Variants in USP24 observed in about 807,000 individuals in gnomAD.
The protein encoded by USP24 is ubiquitin specific peptidase 24, also known as ubiquitin carboxyl-terminal hydrolase 24.
USP24 carries 97 observed loss-of-function variants against 361.6 expected under a neutral mutation model. The ratio of observed to expected loss-of-function variants is 0.27; its 90% confidence interval spans 0.23 to 0.32. The LOEUF (loss-of-function observed/expected upper bound fraction) is 0.32, where lower values mean the gene tolerates loss of function less well. USP24 is among the 10% of genes least tolerant of loss of function. The pLI is 1.00. For missense variants in USP24, 2,353 were observed against 3,165.6 expected (o/e 0.74, Z 6.16); for synonymous variants, 1,098 against 1,124.6 (o/e 0.98, Z 0.47).
chr1:55,147,568 CA>C, intron 18 of USP24, 80 bp downstream of exon 18: 2 of 1,385,832 alleles, frequency 1.4e-6, no homozygotes, highest in Non-Finnish European at 9.4e-7. Context: ...TTACAGCTAA[CA>C]AAAATTCTTT....
intron 54 of USP24, among the ~76,000 whole-genome samples, chr1:55,090,063 G>T (rs900572432): frequency 1.4e-4 from 22 of 151,964 alleles, no homozygotes; most frequent in Admixed American, 1.3e-3. Flanking sequence ...TAGACAAAAG[G>T]CCTGAACTAT....
intron 16 of USP24, 117 bp from the exon 17 acceptor site, chr1:55,148,687 T>G: frequency 1.4e-6 from 1 of 712,110 alleles, no homozygotes; most frequent in Non-Finnish European, 2.3e-6. Context: ...ATTATTTTAC[T>G]CTTTATATTG....
At chr1:55,128,113 GTTTA>G (rs1427841570) in intron 32 of USP24, among the ~76,000 whole-genome samples, 1 of 152,104 alleles carries the variant, frequency 6.6e-6, no homozygotes, top group Non-Finnish European at 1.5e-5. Flanking sequence ...ATCTCTCTGT[GTTTA>G]TTTCTCATAC....
rs61760216 is a variant in USP24, at chr1:55,083,341, A to C, written c.6906T>G (p.Leu2302=). 3.1e-3 allele frequency: 4,964 copies of C among 1,613,668 alleles called. 109 individuals carry two copies. In the African/African-American group the frequency reaches 0.053, roughly 17 times the overall value. The stretch of plus-strand genomic sequence containing the variant: ...GCCGCAGAGCTGAATGCCTCAGAAG[A>C]AGATCTCCAGCCCTAATTCCTTGCT... ...VQKQGIRAGD[L]LLRHSALRHM... Residue 2302 remains leucine, a synonymous_variant, in exon 58 of 68, where the codon CTT becomes CTG. Transcript: ENST00000294383.
intron 23 of USP24, among the ~76,000 whole-genome samples, chr1:55,142,443 A>G (rs1393930485): frequency 2.0e-5 from 3 of 152,198 alleles, no homozygotes; most frequent in Admixed American, 2.0e-4. Flanking sequence ...AAAAGATTCT[A>G]TTACAAATAT....
At chr1:55,123,748 A>G (rs1417178150) in intron 35 of USP24, 146 bp from the exon 36 acceptor site, 3 of 821,186 alleles carry the variant, frequency 3.7e-6, no homozygotes, top group Admixed American at 7.5e-5. Context: ...GAGATTTAAT[A>G]CTGTATTTGA....
intron 67 of USP24, chr1:55,071,404 G>A: frequency 2.0e-6 from 2 of 999,602 alleles, no homozygotes; most frequent in African/African-American, 1.7e-5. Context: ...TGGCAAGCAG[G>A]TATACTTCAA....
intron 55 of USP24, 162 bp from the exon 56 acceptor site, chr1:55,086,200 T>C: frequency 1.6e-6 from 1 of 632,612 alleles, no homozygotes; most frequent in East Asian, 2.7e-5. Context: ...ACTTCACTTC[T>C]GCTTATTCCT....
At chr1:55,071,253 T>C (rs1211919865) in intron 67 of USP24, 2 of 988,178 alleles carry the variant, frequency 2.0e-6, no homozygotes, top group African/African-American at 3.5e-5. Flanking sequence ...GACGTAATGA[T>C]TAACTGACAC....
At chr1:55,104,578 C>T (rs896792251) in intron 41 of USP24, among the ~76,000 whole-genome samples, 1 of 152,206 alleles carries the variant, frequency 6.6e-6, no homozygotes, top group African/African-American at 2.4e-5. Flanking sequence ...CACTGCCTGC[C>T]TGGTAGTATA....
intron 20 of USP24, 102 bp from the exon 21 acceptor site, chr1:55,144,305 G>A: frequency 3.2e-6 from 2 of 629,694 alleles, no homozygotes; most frequent in South Asian, 3.8e-5. Context: ...TAAGACTCTT[G>A]GCATTGGCTT....
At chr1:55,136,124 AG>A (rs1382017177) in intron 28 of USP24, among the ~76,000 whole-genome samples, 1 of 152,194 alleles carries the variant, frequency 6.6e-6, no homozygotes, top group Admixed American at 6.5e-5. Flanking sequence ...AAAGAAATAC[AG>A]GGGTAGGAAA....
Position 55,172,425 on chromosome 1 carries a change from T to G in USP24, c.654A>C (p.Arg218Ser), listed in dbSNP as rs1419801903. The G allele has an allele frequency of 1.2e-6, 2 of 1,613,446 alleles. No individual in the cohort carries two copies. The highest frequency in any genetic ancestry group is 2.7e-5 in the African/African-American group (2 of 75,022). ...CAGTGGGAATTGGATCTTGTTTTATTCTCTCTGCGACCAGTTCTATTAATA... is the reference window on the plus strand; with the variant it reads ...CAGTGGGAATTGGATCTTGTTTTATGCTCTCTGCGACCAGTTCTATTAATA... ...LMLLIELVAE[R>S]IKQDPIPTGL... The change falls in exon 4 of 68, where the codon AGA becomes AGC. Residue 218 changes from arginine to serine, a missense_variant. Around this residue, in one of 8 missense-constraint regions of USP24, gnomAD observed 386 missense variants for 560.5 expected, o/e 0.69. Transcript: ENST00000294383.
At chr1:55,161,585 C>T (rs376681375) in intron 8 of USP24, among the ~76,000 whole-genome samples, 15 of 152,082 alleles carry the variant, frequency 9.9e-5, no homozygotes, top group Non-Finnish European at 1.6e-4. Context: ...ATAGGGTCCA[C>T]AGACTTATTT....
In USP24 at chr1:55,143,014, A is replaced by G; in HGVS notation, c.2545T>C (p.Tyr849His). Reference protein sequence around the residue: ...ANEAIQLIINYSYINLNPRLK... With the variant: ...ANEAIQLIINHSYINLNPRLK... ...CTAGGATTTAGATTAATGTAACTAT[A>G]GTTTATGATTAGCTGAATAGCTTCA... The change falls in exon 22 of 68, where the codon TAT (tyrosine) becomes CAT (histidine). Residue 849 changes from tyrosine to histidine, a missense_variant. Tyr to His is a moderately conservative substitution (Grantham distance 83). This residue lies in a region of USP24 where 949 missense variants were observed against 1,280.5 expected (regional missense o/e 0.74). Coordinates refer to ENST00000294383, the MANE Select transcript of USP24 (RefSeq NM_015306.3). 6.6e-7 allele frequency: 1 copy of G among 1,522,414 alleles called. No individual in the cohort carries two copies. Among genetic ancestry groups the G allele is most frequent in the Non-Finnish European group, 8.8e-7 (1 of 1,132,668 alleles). 94.3% of individuals were successfully genotyped at this position (1,522,414 alleles called of 1,614,324 possible).
At position 55,171,676 on chromosome 1, in the gene USP24, A is replaced by G. The variant is rs1364018827; in HGVS notation, c.705T>C (p.Ala235=). The change falls in exon 5 of 68, where the codon GCT becomes GCC. Residue 235 remains alanine, a splice_region_variant and synonymous_variant. Transcript: ENST00000294383. ...PTGLLGVLTM[A]FNPDNEYHFK... ...AATGGTATTCATTATCAGGATTGAA[A>G]GCCTAGATTCAAAGAGAACAGAGAA... The G allele has an allele frequency of 6.2e-7, 1 of 1,602,706 alleles. No homozygotes were observed.
At chr1:55,083,681 T>C (rs1645195355) in intron 57 of USP24, 91 bp downstream of exon 57, 2 of 925,748 alleles carry the variant, frequency 2.2e-6, no homozygotes, top group Admixed American at 5.9e-5. Flanking sequence ...ATAAAAAACA[T>C]ACCATATAGA....
In USP24 at chr1:55,104,613, T is replaced by C. The variant is rs548882117; in HGVS notation, c.4881-593A>G. On this transcript the variant is annotated intron_variant, in intron 41 of 67. Coordinates refer to ENST00000294383, the MANE Select transcript of USP24 (RefSeq NM_015306.3). ...AAACCACTTTGGGGATGGACAATAA[T>C]ATCTCACTTTAACCAATGCTAACCT... Among the ~76,000 whole-genome samples, 4 of 152,310 alleles carry C rather than the reference T, an allele frequency of 2.6e-5. No homozygotes were observed. In the East Asian group the frequency reaches 5.8e-4, roughly 22 times the overall value.
chr1:55,145,426 G>GT (rs1260603370), intron 20 of USP24, among the ~76,000 whole-genome samples: 1 of 152,212 alleles, frequency 6.6e-6, no homozygotes, highest in African/African-American at 2.4e-5. Context: ...AGATCACAGT[G>GT]TATGACTCCA....
Sources: allele counts gnomAD v4.1 joint callset (sites outside exome capture counted in the v4.1 genomes callset), GRCh38; gene constraint gnomAD v4.1.1; regional missense constraint gnomAD v4.1.1; transcripts MANE v1.5; gene names NCBI Gene and HGNC (gene_info 2026-07-23, HGNC 2026-07-21).